Variants in KAZN observed in about 807,000 individuals in gnomAD.
KAZN encodes kazrin.
A neutral mutation model predicts 87.4 loss-of-function variants in KAZN; 40 were observed. That is an observed-to-expected ratio of 0.46 (90% CI 0.36 to 0.60). The LOEUF (loss-of-function observed/expected upper bound fraction) is 0.60. Among genes scored for constraint, KAZN ranks in the 20% least tolerant of loss-of-function variants. The pLI is 0.00. For synonymous variants in KAZN, 466 were observed against 458.3 expected (o/e 1.02, Z -0.22); for missense variants, 898 against 1,073.9 (o/e 0.84, Z 2.29).
chr1:14,620,875 G>T lies in KAZN; in HGVS notation c.226+21652G>T, dbSNP rs564010021. 4.6e-4 allele frequency among the ~76,000 whole-genome samples: 70 copies of T among 152,296 alleles called. 1 individual carries two copies. Among genetic ancestry groups the T allele is most frequent in the African/African-American group, 1.5e-3 (61 of 41,584 alleles). ...GACGCCTTGGAAATCTCCCAGCGGA[G>T]CCTCTTGTACAACCTAATTTCCATG... On this transcript the variant is annotated intron_variant, in intron 1 of 14. Coordinates refer to ENST00000376030, the MANE Select transcript of KAZN (RefSeq NM_201628.3).
chr1:15,022,103 A>G (rs765451936), intron 2 of KAZN, among the ~76,000 whole-genome samples: 1 of 152,038 alleles, frequency 6.6e-6, no homozygotes, highest in Non-Finnish European at 1.5e-5. Context: ...ACAATTCAAG[A>G]TGAGATTTGG....
At chr1:15,048,611 G>GTCGGTC (rs1557754171) in intron 4 of KAZN, among the ~76,000 whole-genome samples, 5 of 132,680 alleles carry the variant, frequency 3.8e-5, no homozygotes, top group Non-Finnish European at 7.4e-5. Flanking sequence ...GTCCTGGGTC[G>GTCGGTC]CTGGTCCTGG....
chr1:14,770,629 T>TG (rs1644995432), intron 1 of KAZN, among the ~76,000 whole-genome samples: 1 of 152,092 alleles, frequency 6.6e-6, no homozygotes, highest in South Asian at 2.1e-4. Context: ...GGAATGGGAT[T>TG]GGGGGCTGGA....
intron 2 of KAZN, among the ~76,000 whole-genome samples, chr1:14,408,053 C>A (rs1305220980): frequency 6.6e-6 from 1 of 152,178 alleles, no homozygotes; most frequent in African/African-American, 2.4e-5. Context: ...ACCTGATTCA[C>A]CAGGGGGCTG....
At chr1:14,311,306 C>T (rs1291972103) in intron 2 of KAZN, among the ~76,000 whole-genome samples, 1 of 152,152 alleles carries the variant, frequency 6.6e-6, no homozygotes, top group African/African-American at 2.4e-5. Flanking sequence ...GCTTCCTTAC[C>T]TGCACAATGG....
chr1:14,784,306 C>T (rs142744219), intron 1 of KAZN, among the ~76,000 whole-genome samples: 17 of 152,296 alleles, frequency 1.1e-4, no homozygotes, highest in East Asian at 1.9e-4. Flanking sequence ...TTCCTGGCAA[C>T]GCCTAGATGA....
intron 1 of KAZN, among the ~76,000 whole-genome samples, chr1:14,072,301 C>A (rs1643278417): frequency 6.6e-6 from 1 of 152,116 alleles, no homozygotes; most frequent in Admixed American, 6.5e-5. Context: ...TTTGCTTCTC[C>A]AATTTGCTAG....
At chr1:14,360,618 G>T (rs1248309858) in intron 2 of KAZN, among the ~76,000 whole-genome samples, 1 of 152,098 alleles carries the variant, frequency 6.6e-6, no homozygotes, top group Admixed American at 6.6e-5. Context: ...CCTTCGGAAG[G>T]AGTTTTTGTG....
intron 1 of KAZN, among the ~76,000 whole-genome samples, chr1:14,625,589 A>T (rs895621333): frequency 6.6e-6 from 1 of 152,328 alleles, no homozygotes; most frequent in African/African-American, 2.4e-5. Flanking sequence ...GGGGGAAAAA[A>T]ACTTTAAGAC....
chr1:14,385,184 T>G lies in KAZN; in HGVS notation c.249+204592T>G, dbSNP rs955032412. The stretch of plus-strand genomic sequence containing the variant: ...GATAACCCCTTTATCATTTTTTATT[T>G]CGTCTATTTGGTTCTTCTTTTTTTC... On this transcript the variant is annotated intron_variant, in intron 2 of 16. Transcript: ENST00000636203. Among the ~76,000 whole-genome samples, 444 of 152,266 alleles carry G rather than the reference T, an allele frequency of 2.9e-3. 1 individual carries two copies. Among genetic ancestry groups the G allele is most frequent in the African/African-American group, 9.7e-3 (401 of 41,548 alleles).
intron 1 of KAZN, among the ~76,000 whole-genome samples, chr1:14,727,304 G>A (rs1271839737): frequency 3.3e-5 from 5 of 151,924 alleles, no homozygotes; most frequent in African/African-American, 9.7e-5. Flanking sequence ...CAGTGTCCCC[G>A]GCCCCTCCTG....
intron 1 of KAZN, among the ~76,000 whole-genome samples, chr1:14,863,484 C>T (rs1651103618): frequency 6.6e-6 from 1 of 152,184 alleles, no homozygotes; most frequent in Admixed American, 6.5e-5. Context: ...AATGGGGTCC[C>T]TCCTCATTTT....
At chr1:14,680,343 T>G (rs1429968356) in intron 1 of KAZN, among the ~76,000 whole-genome samples, 1 of 152,178 alleles carries the variant, frequency 6.6e-6, no homozygotes, top group Non-Finnish European at 1.5e-5. Context: ...CCTGCAGCTA[T>G]GGCTCTGAGT....
At chr1:13,935,924 A>G (rs1640717173) in intron 1 of KAZN, among the ~76,000 whole-genome samples, 1 of 149,834 alleles carries the variant, frequency 6.7e-6, no homozygotes, top group Admixed American at 6.8e-5. Context: ...ATTATTTAAT[A>G]TATGTACATC....
chr1:14,589,335 A>G lies in KAZN; in HGVS notation c.250-9648A>G, dbSNP rs1217570347. Among the ~76,000 whole-genome samples, 94 of 149,962 alleles carry G rather than the reference A, an allele frequency of 6.3e-4. 1 individual carries two copies. Among genetic ancestry groups the G allele is most frequent in the South Asian group, 2.8e-3 (13 of 4,726 alleles). Reference sequence around the variant, plus strand: ...CTCAGCATAAAACAAGGCAGGTAAAAAAAAAAAAAAGGGAGGGGGGGCAGT... The same window carrying G: ...CTCAGCATAAAACAAGGCAGGTAAAGAAAAAAAAAAGGGAGGGGGGGCAGT... On this transcript the variant is annotated intron_variant, in intron 2 of 16. Transcript: ENST00000636203.
chr1:14,543,738 C>T (rs72862084), intron 2 of KAZN, among the ~76,000 whole-genome samples: 171 of 152,220 alleles, frequency 1.1e-3, no homozygotes, highest in African/African-American at 3.9e-3. Flanking sequence ...AGCGTCGGGT[C>T]ATTGGAGACC....
chr1:14,133,943 C>T (rs1184365449), intron 1 of KAZN, among the ~76,000 whole-genome samples: 1 of 152,146 alleles, frequency 6.6e-6, no homozygotes, highest in Non-Finnish European at 1.5e-5. Flanking sequence ...CTAGAGTGGA[C>T]GTTTCATCAT....
chr1:15,099,905 C>T lies in KAZN; in HGVS notation c.1548-1638C>T, dbSNP rs1437714015. Among the ~76,000 whole-genome samples, 1 of 152,078 alleles carries T rather than the reference C, an allele frequency of 6.6e-6. No homozygotes were observed. Among genetic ancestry groups the T allele is most frequent in the Admixed American group, 6.5e-5 (1 of 15,268 alleles). On this transcript the variant is annotated intron_variant, in intron 10 of 14. Transcript: ENST00000376030. The surrounding 1 kb of genome is among the most constrained non-coding windows in gnomAD (Gnocchi z 5.4). Reference sequence around the variant, plus strand: ...CAGAGGATGCACTGACCAGAGTGACCGACAGACAAGGACGGGCTATCAGCT... The same window carrying T: ...CAGAGGATGCACTGACCAGAGTGACTGACAGACAAGGACGGGCTATCAGCT...
chr1:14,207,178 G>C (rs910590433), intron 2 of KAZN, among the ~76,000 whole-genome samples: 3 of 151,990 alleles, frequency 2.0e-5, no homozygotes, highest in Admixed American at 6.6e-5. Flanking sequence ...TGGCCAGGCT[G>C]GTCTCGAACT....
Sources: gnomAD v4.1 joint callset for allele counts (sites outside exome capture counted in the v4.1 genomes callset) on GRCh38, gnomAD v4.1.1 for gene constraint, Gnocchi (gnomAD v3.1) non-coding constraint, MANE v1.5 for transcripts, NCBI Gene and HGNC (gene_info 2026-07-23, HGNC 2026-07-21) for gene names.